The following EPHA6 variants were observed in gnomAD, a reference collection of about 807,000 sequenced individuals.
The protein encoded by EPHA6 is ephrin type-A receptor 6.
Under a neutral mutation model 112.0 loss-of-function variants are expected in EPHA6, and 50 were observed. That is an observed-to-expected ratio of 0.45 (90% CI 0.36 to 0.56). The LOEUF (loss-of-function observed/expected upper bound fraction) is 0.56, where lower values mean the gene tolerates loss of function less well. EPHA6 is among the 20% of genes least tolerant of loss of function. The pLI is 0.00. For synonymous variants in EPHA6, 529 were observed against 490.7 expected (o/e 1.08, Z -1.03); for missense variants, 1,280 against 1,417.4 (o/e 0.90, Z 1.56).
intron 5 of EPHA6, among the ~76,000 whole-genome samples, chr3:97,383,514 T>TTTCATA (rs1490333085): frequency 5.9e-5 from 9 of 152,092 alleles, no homozygotes; most frequent in African/African-American, 2.2e-4. Flanking sequence ...TACCAATGGA[T>TTTCATA]GACATGAAAT....
At chr3:97,692,632 A>G (rs2032743590) in intron 14 of EPHA6, among the ~76,000 whole-genome samples, 1 of 152,208 alleles carries the variant, frequency 6.6e-6, no homozygotes, top group Non-Finnish European at 1.5e-5. Context: ...AAGCACTGAA[A>G]CATCTCTCTG....
rs149086072 is a variant in EPHA6, at chr3:97,506,170, C to G, written c.2200+22111C>G. Among the ~76,000 whole-genome samples, 994 of 152,128 alleles carry G rather than the reference C, an allele frequency of 6.5e-3. 12 individuals carry two copies. The highest frequency in any genetic ancestry group is 0.022 in the African/African-American group (914 of 41,528). On this transcript the variant is annotated intron_variant, in intron 10 of 17. Coordinates refer to ENST00000389672, the MANE Select transcript of EPHA6 (RefSeq NM_001080448.3). Reference sequence around the variant, plus strand: ...CTGATGATAGTTTCTTTGCTGTGCACACACTCTTTAGTTTAATTAGATCCC... The same window carrying G: ...CTGATGATAGTTTCTTTGCTGTGCAGACACTCTTTAGTTTAATTAGATCCC...
rs1037015357 is a variant in EPHA6, at chr3:97,754,590, G to T, written c.*5889G>T. Among the ~76,000 whole-genome samples the T allele has an allele frequency of 3.9e-5, 6 of 152,188 alleles. No individual in the cohort carries two copies. The highest frequency in any genetic ancestry group is 1.4e-4 in the African/African-American group (6 of 41,456). Reference sequence around the variant, plus strand: ...TAAGGCAGGCAAAGCACTAGGAAATGAATAAACTTTACCTTTTAAAAAGGA... The same window carrying T: ...TAAGGCAGGCAAAGCACTAGGAAATTAATAAACTTTACCTTTTAAAAAGGA... On this transcript the variant is annotated 3_prime_UTR_variant, in exon 18 of 18. Transcript: ENST00000389672.
chr3:96,817,471 A>G (rs2032890684), intron 1 of EPHA6, among the ~76,000 whole-genome samples: 1 of 151,974 alleles, frequency 6.6e-6, no homozygotes, highest in South Asian at 2.1e-4. Flanking sequence ...TAAATGTAAA[A>G]TATAAATTTG....
At chr3:97,634,287 A>G (rs2107545197) in intron 13 of EPHA6, among the ~76,000 whole-genome samples, 1 of 152,246 alleles carries the variant, frequency 6.6e-6, no homozygotes, top group East Asian at 1.9e-4. Context: ...ATCGTGTTCA[A>G]TGAATGTTAG....
chr3:97,432,359 A>C (rs2089562726), intron 6 of EPHA6, among the ~76,000 whole-genome samples: 1 of 152,188 alleles, frequency 6.6e-6, no homozygotes, highest in Non-Finnish European at 1.5e-5. Context: ...ATTGATAATC[A>C]TTCTAACATT....
intron 2 of EPHA6, among the ~76,000 whole-genome samples, chr3:96,964,142 G>A (rs532192655): frequency 7.2e-5 from 11 of 152,104 alleles, no homozygotes; most frequent in African/African-American, 2.2e-4. Flanking sequence ...CCCCTCAGGC[G>A]TTTGTCTTTT....
At chr3:96,838,643 G>A (rs1179556200) in intron 1 of EPHA6, among the ~76,000 whole-genome samples, 1 of 151,772 alleles carries the variant, frequency 6.6e-6, no homozygotes, top group Non-Finnish European at 1.5e-5. Flanking sequence ...TCAATTAAAA[G>A]GTCTCTGCTT....
At chr3:97,252,547 G>A (rs1183645590) in intron 5 of EPHA6, among the ~76,000 whole-genome samples, 1 of 152,152 alleles carries the variant, frequency 6.6e-6, no homozygotes, top group Non-Finnish European at 1.5e-5. Context: ...ACCCAGGAAT[G>A]TGGTCCTACC....
chr3:97,436,960 C>T (rs772515976), intron 6 of EPHA6, among the ~76,000 whole-genome samples: 1 of 151,892 alleles, frequency 6.6e-6, no homozygotes, highest in Non-Finnish European at 1.5e-5. Context: ...ATTCAACCCG[C>T]GGCCCACACG....
intron 5 of EPHA6, among the ~76,000 whole-genome samples, chr3:97,269,351 C>T (rs915297136): frequency 6.6e-6 from 1 of 152,130 alleles, no homozygotes; most frequent in Non-Finnish European, 1.5e-5. Context: ...TTGATGGCTT[C>T]CCTGGATCAA....
At chr3:96,849,146 T>G (rs1174984185) in intron 1 of EPHA6, among the ~76,000 whole-genome samples, 2 of 152,126 alleles carry the variant, frequency 1.3e-5, no homozygotes, top group Non-Finnish European at 2.9e-5. Flanking sequence ...AATAAAAATG[T>G]CCATAGCCTT....
At chr3:97,427,950 G>T (rs1007508758) in intron 6 of EPHA6, among the ~76,000 whole-genome samples, 9 of 151,954 alleles carry the variant, frequency 5.9e-5, no homozygotes, top group African/African-American at 1.9e-4. Flanking sequence ...CTGTCTATGG[G>T]GCACTATGCT....
At chr3:97,345,382 T>C (rs1161913841) in intron 5 of EPHA6, among the ~76,000 whole-genome samples, 1 of 152,156 alleles carries the variant, frequency 6.6e-6, no homozygotes, top group African/African-American at 2.4e-5. Context: ...TGATATGAGG[T>C]ACTTTGCTAA....
Position 97,747,689 on chromosome 3 carries a change from A to T in EPHA6, c.3278+117A>T, listed in dbSNP as rs562514078. ...GTGGGTAATTTCCAAGTCTTTGCTC[A>T]CCATTTCTGACTATCATTCTAGTGG... On this transcript the variant is annotated intron_variant, in intron 17 of 17. Coordinates refer to ENST00000389672, the MANE Select transcript of EPHA6 (RefSeq NM_001080448.3). 10 of 817,096 alleles carry T rather than the reference A, an allele frequency of 1.2e-5. No individual in the cohort carries two copies. In the East Asian group the frequency reaches 2.6e-4, roughly 21 times the overall value. The allele number at this position is 817,096 out of a possible 1,614,324, so 50.6% of individuals were successfully genotyped here.
intron 3 of EPHA6, among the ~76,000 whole-genome samples, chr3:97,077,202 GA>G (rs1165719038): frequency 6.6e-6 from 1 of 152,196 alleles, no homozygotes; most frequent in East Asian, 1.9e-4. Flanking sequence ...ATGCCATTAG[GA>G]ACATTTGTGA....
chr3:97,057,843 C>T (rs532833313), intron 3 of EPHA6, among the ~76,000 whole-genome samples: 1 of 152,076 alleles, frequency 6.6e-6, no homozygotes, highest in Non-Finnish European at 1.5e-5. Context: ...TGTAATGGAG[C>T]TTTAATTTAG....
chr3:96,855,266 C>CTA lies in EPHA6; in HGVS notation c.386-11559_386-11558insTA, dbSNP rs756898222. On this transcript the variant is annotated intron_variant, in intron 1 of 17. Transcript: ENST00000389672. ...ATTAGAAACCTTAGTGGATTAGCAA[C>CTA]GTTAATTCCATCTGCAACCTTAATT... Among the ~76,000 whole-genome samples the CTA allele has an allele frequency of 1.2e-3, 185 of 152,242 alleles. 1 individual carries two copies. Among genetic ancestry groups the CTA allele is most frequent in the Non-Finnish European group, 1.4e-3 (96 of 68,022 alleles).
intron 2 of EPHA6, among the ~76,000 whole-genome samples, chr3:96,909,332 G>A (rs1221228591): frequency 6.6e-6 from 1 of 151,856 alleles, no homozygotes; most frequent in Non-Finnish European, 1.5e-5. Context: ...CTTTGAAATA[G>A]TGTTCAAAAA....
Sources: allele counts gnomAD v4.1 joint callset (sites outside exome capture counted in the v4.1 genomes callset), GRCh38; gene constraint gnomAD v4.1.1; transcripts MANE v1.5; gene names NCBI Gene and HGNC (gene_info 2026-07-23, HGNC 2026-07-21).